The following AKAP6 variants were observed in gnomAD, a reference collection of about 807,000 sequenced individuals.
The protein encoded by AKAP6 is A-kinase anchoring protein 6.
Under a neutral mutation model 188.5 loss-of-function variants are expected in AKAP6, and 58 were observed. The ratio of observed to expected loss-of-function variants is 0.31; its 90% CI spans 0.25 to 0.38. AKAP6 has a LOEUF of 0.38. Ranked by LOEUF, AKAP6 falls within the 10% of genes least tolerant of loss-of-function variation. The pLI is 1.00. For missense variants in AKAP6, 2,710 were observed against 2,740.0 expected (o/e 0.99, Z 0.24); for synonymous variants, 989 against 998.6 (o/e 0.99, Z 0.18).
intron 11 of AKAP6, among the ~76,000 whole-genome samples, chr14:32,770,755 C>G (rs1250653246): frequency 1.3e-5 from 2 of 152,218 alleles, no homozygotes; most frequent in East Asian, 3.8e-4. Context: ...GCACCTTCCT[C>G]TTTGATATTA....
At chr14:32,770,916 G>A (rs2032879063) in intron 11 of AKAP6, among the ~76,000 whole-genome samples, 1 of 152,178 alleles carries the variant, frequency 6.6e-6, no homozygotes, top group Admixed American at 6.5e-5. Flanking sequence ...GTAGGGATGT[G>A]TTTGTCTTAT....
At chr14:32,571,486 T>C (rs576786741) in intron 4 of AKAP6, among the ~76,000 whole-genome samples, 10 of 152,248 alleles carry the variant, frequency 6.6e-5, no homozygotes, top group African/African-American at 2.4e-4. Flanking sequence ...TCTATGATCA[T>C]GCCGCTGCAC....
At chr14:32,816,830 C>A (rs979155820) in intron 12 of AKAP6, among the ~76,000 whole-genome samples, 1 of 152,116 alleles carries the variant, frequency 6.6e-6, no homozygotes, top group East Asian at 1.9e-4. Context: ...CTACTTTTCT[C>A]CAGATAAATC....
chr14:32,706,616 G>A (rs1955512), intron 9 of AKAP6, among the ~76,000 whole-genome samples: 88,558 of 151,892 alleles, frequency 0.58, 26,197 homozygotes, highest in East Asian at 0.79. Flanking sequence ...TGAGGAAGCA[G>A]TTTCAGTTCT....
chr14:32,399,279 G>T (rs180816957), intron 1 of AKAP6, among the ~76,000 whole-genome samples: 1 of 152,168 alleles, frequency 6.6e-6, no homozygotes, highest in Non-Finnish European at 1.5e-5. Context: ...AGAGGTATGA[G>T]TTTAATATGG....
intron 1 of AKAP6, among the ~76,000 whole-genome samples, chr14:32,386,055 G>T (rs1357293379): frequency 1.3e-5 from 2 of 150,538 alleles, no homozygotes; most frequent in Non-Finnish European, 3.0e-5. Flanking sequence ...CTTTATTTGG[G>T]TTGGTTTCAC....
intron 2 of AKAP6, among the ~76,000 whole-genome samples, chr14:32,506,725 G>T (rs1477701314): frequency 6.7e-6 from 1 of 150,050 alleles, no homozygotes; most frequent in Non-Finnish European, 1.5e-5. Flanking sequence ...CAGAGACGGG[G>T]TTTCACCATG....
intron 9 of AKAP6, among the ~76,000 whole-genome samples, chr14:32,728,639 A>G (rs1007725589): frequency 3.9e-5 from 6 of 152,184 alleles, no homozygotes; most frequent in Non-Finnish European, 7.3e-5. Flanking sequence ...TATTCTAATA[A>G]TCAAGAAATG....
Position 32,547,019 on chromosome 14 carries a change from A to G in AKAP6, c.2346+20A>G, listed in dbSNP as rs781198311. The G allele has an allele frequency of 3.8e-6, 6 of 1,567,244 alleles. No individual in the cohort carries two copies. In the African/African-American group the frequency reaches 5.4e-5, roughly 14 times the overall value. ...ATAGAGGTAAGGTGGTTTTCTTAAC[A>G]TGAATGATTTCTCACTTGAGTTTTG... On this transcript the variant is annotated intron_variant, in intron 4 of 13. Coordinates refer to ENST00000280979, the MANE Select transcript of AKAP6 (RefSeq NM_004274.5).
intron 3 of AKAP6, among the ~76,000 whole-genome samples, chr14:32,543,678 T>C (rs1362083093): frequency 1.3e-5 from 2 of 152,166 alleles, no homozygotes; most frequent in African/African-American, 2.4e-5. Flanking sequence ...AGATTTGCAA[T>C]TTGTGTAGGT....
Position 32,678,348 on chromosome 14 carries a change from A to G in AKAP6, c.2768A>G (p.Asp923Gly). The G allele has an allele frequency of 6.2e-7, 1 of 1,613,532 alleles. No homozygotes were observed. Among genetic ancestry groups the G allele is most frequent in the Non-Finnish European group, 8.5e-7 (1 of 1,179,616 alleles). ...CTATGCTACCTGGAAGCACAAAGAG[A>G]TGCTGTTGAGCAGATGTCCCTCAAG... Reference protein sequence around the residue: ...VQLCYLEAQRDAVEQMSLKLY... With the variant: ...VQLCYLEAQRGAVEQMSLKLY... The change falls in exon 8 of 14, where the codon GAT becomes GGT. Residue 923 changes from aspartate to glycine, a missense_variant. Coordinates refer to ENST00000280979, the MANE Select transcript of AKAP6 (RefSeq NM_004274.5).
rs1450963437 is a variant in AKAP6, at chr14:32,398,861, T to G, written c.-34-34599T>G. On this transcript the variant is annotated intron_variant, in intron 1 of 13. Transcript: ENST00000280979. The stretch of plus-strand genomic sequence containing the variant: ...TTCTTCCTGTTTTTTTTTTTTTTTT[T>G]TTTTTTTTTTGATGGAGTCTTTCTC... Among the ~76,000 whole-genome samples, 14 of 144,980 alleles carry G rather than the reference T, an allele frequency of 9.7e-5. No individual in the cohort carries two copies. In the South Asian group the frequency reaches 1.1e-3, roughly 11 times the overall value.
At chr14:32,624,316 T>G (rs775972037) in intron 7 of AKAP6, among the ~76,000 whole-genome samples, 1 of 152,110 alleles carries the variant, frequency 6.6e-6, no homozygotes, top group Non-Finnish European at 1.5e-5. Flanking sequence ...TTAAAACATA[T>G]GACATTTCTG....
intron 2 of AKAP6, among the ~76,000 whole-genome samples, chr14:32,465,826 A>G (rs1316941060): frequency 6.6e-6 from 1 of 152,226 alleles, no homozygotes; most frequent in Non-Finnish European, 1.5e-5. Context: ...TTTGCAATCT[A>G]TCCATCTGAC....
chr14:32,629,458 GTT>G (rs773829389), intron 7 of AKAP6, among the ~76,000 whole-genome samples: 2 of 129,200 alleles, frequency 1.5e-5, no homozygotes, highest in African/African-American at 2.8e-5. Flanking sequence ...AGGCAGTCAT[GTT>G]TTTTTTTTTT....
chr14:32,540,151 TCTCTCTCTCTC>T (rs1882863761), intron 3 of AKAP6, among the ~76,000 whole-genome samples: 2 of 115,934 alleles, frequency 1.7e-5, no homozygotes, highest in African/African-American at 7.8e-5. Context: ...TCTCTCTCTC[TCTCTCTCTCTC>T]TCTCTCTATA....
intron 7 of AKAP6, 99 bp downstream of exon 7, chr14:32,600,891 C>A: frequency 8.6e-7 from 1 of 1,159,158 alleles, no homozygotes; most frequent in Non-Finnish European, 1.2e-6. Flanking sequence ...CTTTTTGTTT[C>A]TACTGGGTAA....
chr14:32,345,201 G>A (rs1176490126), intron 1 of AKAP6, among the ~76,000 whole-genome samples: 1 of 152,140 alleles, frequency 6.6e-6, no homozygotes, highest in Non-Finnish European at 1.5e-5. Context: ...ATTTTAAAAT[G>A]TGCATTTACT....
At chr14:32,580,377 C>G (rs1037797873) in intron 5 of AKAP6, among the ~76,000 whole-genome samples, 2 of 152,024 alleles carry the variant, frequency 1.3e-5, no homozygotes, top group Admixed American at 6.6e-5. Flanking sequence ...AACATTCCCT[C>G]TTCTTTGAAA....
Sources: allele counts gnomAD v4.1 joint callset (sites outside exome capture counted in the v4.1 genomes callset), GRCh38; gene constraint gnomAD v4.1.1; transcripts MANE v1.5; gene names NCBI Gene and HGNC (gene_info 2026-07-23, HGNC 2026-07-21).